Variants in MED26 observed in about 807,000 individuals in gnomAD.
The protein encoded by MED26 is mediator complex subunit 26.
In MED26, 7 loss-of-function variants were observed where a neutral mutation model predicts 43.7. The observed-to-expected ratio is 0.16, with a 90% CI of 0.09 to 0.30. The LOEUF is 0.30. Among genes scored for constraint, MED26 ranks in the 10% least tolerant of loss-of-function variants. MED26 has a pLI of 1.00. For synonymous variants in MED26, 375 were observed against 371.1 expected, an observed-to-expected ratio of 1.01 and a Z score of -0.12; for missense variants, 784 against 840.6, an observed-to-expected ratio of 0.93 and a Z score of 0.83.
intron 1 of MED26, among the ~76,000 whole-genome samples, chr19:16,603,652 C>T (rs1054173844): frequency 4.6e-5 from 7 of 152,242 alleles, no homozygotes; most frequent in East Asian, 1.9e-4. Context: ...CTGCCTATCT[C>T]GGTATGTGGG....
At chr19:16,579,431 A>G (rs1165008022) in intron 1 of MED26, among the ~76,000 whole-genome samples, 1 of 152,254 alleles carries the variant, frequency 6.6e-6, no homozygotes, top group East Asian at 1.9e-4. Context: ...TTCGGGGGAT[A>G]CAGCTGACTT....
At chr19:16,620,552 A>G (rs745992706) in intron 1 of MED26, among the ~76,000 whole-genome samples, 20 of 152,374 alleles carry the variant, frequency 1.3e-4, no homozygotes, top group South Asian at 6.2e-4. Context: ...ACACTAAGGG[A>G]GCAACACCTG....
chr19:16,582,461 T>C lies in MED26; in HGVS notation c.73-4052A>G, dbSNP rs148376851. Among the ~76,000 whole-genome samples the C allele has an allele frequency of 6.2e-4, 95 of 152,324 alleles. No individual in the cohort carries two copies. The East Asian group carries it at 0.01, about 17-fold the overall frequency. ...GTCCCAAAGAACACTTAGCACCCAATTGGTGCTGGTCCCATAGGAGCAAAA... is the reference window on the plus strand; with the variant it reads ...GTCCCAAAGAACACTTAGCACCCAACTGGTGCTGGTCCCATAGGAGCAAAA... On this transcript the variant is annotated intron_variant, in intron 1 of 2. Coordinates refer to ENST00000263390, the MANE Select transcript of MED26 (RefSeq NM_004831.5).
At chr19:16,615,618 C>T (rs1434526202) in intron 1 of MED26, among the ~76,000 whole-genome samples, 7 of 151,984 alleles carry the variant, frequency 4.6e-5, no homozygotes, top group Admixed American at 3.3e-4. Context: ...TGGTGGCAGG[C>T]GCCTGTAATC....
At chr19:16,609,797 T>TA (rs952211669) in intron 1 of MED26, among the ~76,000 whole-genome samples, 11 of 151,562 alleles carry the variant, frequency 7.3e-5, no homozygotes, top group East Asian at 1.9e-4. Flanking sequence ...CAATGTTTAC[T>TA]AAAAAAAATG....
chr19:16,578,087 C>A (rs1224326620), intron 2 of MED26: 2 of 550,408 alleles, frequency 3.6e-6, no homozygotes, highest in Non-Finnish European at 6.4e-6. Context: ...CCTCCAAGCA[C>A]ACCTCTCCTG....
At position 16,582,213 on chromosome 19, in the gene MED26, G is replaced by T. The variant is rs188719303; in HGVS notation, c.73-3804C>A. ...GATGTCAGCAGAGCTAAGGATGGGG[G>T]CAAGGTGAGACTGCCCTGCCCTGCG... On this transcript the variant is annotated intron_variant, in intron 1 of 2. Transcript: ENST00000263390. Among the ~76,000 whole-genome samples the T allele has an allele frequency of 3.5e-3, 533 of 152,342 alleles. 2 individuals carry two copies. Among genetic ancestry groups the T allele is most frequent in the South Asian group, 0.022 (106 of 4,824 alleles).
At chr19:16,578,051 G>T (rs2086021971) in intron 2 of MED26, 2 of 518,222 alleles carry the variant, frequency 3.9e-6, no homozygotes, top group Admixed American at 7.4e-5. Context: ...GTGGAGGGTT[G>T]GGGATGGTGC....
At chr19:16,583,474 C>T (rs545605421) in intron 1 of MED26, among the ~76,000 whole-genome samples, 2 of 147,692 alleles carry the variant, frequency 1.4e-5, no homozygotes, top group East Asian at 2.2e-4. Context: ...TTCATTGCTG[C>T]GGGAAGTGCC....
intron 1 of MED26, among the ~76,000 whole-genome samples, chr19:16,624,100 G>A (rs2086262943): frequency 6.6e-6 from 1 of 150,728 alleles, no homozygotes; most frequent in African/African-American, 2.4e-5. Context: ...AATGTACCTT[G>A]CAAAGATATA....
chr19:16,605,845 T>C (rs183996389), intron 1 of MED26, among the ~76,000 whole-genome samples: 210 of 152,306 alleles, frequency 1.4e-3, no homozygotes, highest in African/African-American at 5.0e-3. Flanking sequence ...AATGAACAGC[T>C]GAGGCTGCAT....
intron 1 of MED26, among the ~76,000 whole-genome samples, chr19:16,592,291 A>G (rs529257372): frequency 2.0e-5 from 3 of 152,230 alleles, no homozygotes; most frequent in African/African-American, 4.8e-5. Flanking sequence ...AGGGGACTGC[A>G]GAGTCCATAC....
intron 1 of MED26, among the ~76,000 whole-genome samples, chr19:16,624,006 A>C (rs1202701535): frequency 6.6e-6 from 1 of 152,136 alleles, no homozygotes; most frequent in Admixed American, 6.5e-5. Context: ...GTTGGGGAGA[A>C]GCAGAACTCT....
In MED26 at chr19:16,610,394, CT is replaced by C. The variant is rs745450468; in HGVS notation, c.72+17477del. The C allele has an allele frequency of 5.5e-3, 782 of 141,736 alleles. 4 individuals carry two copies. Among genetic ancestry groups the C allele is most frequent in the African/African-American group, 0.014 (534 of 38,886 alleles). 8.8% of individuals were successfully genotyped at this position (141,736 alleles called of 1,614,324 possible). On this transcript the variant is annotated intron_variant, in intron 1 of 2. Transcript: ENST00000263390. ...CTGTATTTTATTTTCCTTATAATTTCTTTTTTTTTTTTTTCAAGACTGAGTT... is the reference window on the plus strand; with the variant it reads ...CTGTATTTTATTTTCCTTATAATTTCTTTTTTTTTTTTTCAAGACTGAGTT...
chr19:16,597,014 T>C (rs2086123047), intron 1 of MED26, among the ~76,000 whole-genome samples: 1 of 152,186 alleles, frequency 6.6e-6, no homozygotes, highest in Non-Finnish European at 1.5e-5. Context: ...CACGCCCACA[T>C]GGTCAGAGGG....
At chr19:16,581,286 T>C (rs761145392) in intron 1 of MED26, among the ~76,000 whole-genome samples, 3 of 152,118 alleles carry the variant, frequency 2.0e-5, no homozygotes, top group Non-Finnish European at 2.9e-5. Flanking sequence ...ACGGGTGATA[T>C]GAGGGGAGAT....
Position 16,587,775 on chromosome 19 carries a change from A to C in MED26, c.73-9366T>G, listed in dbSNP as rs1423285714. ...AGTATGCAATTGCATGCTACAACTC[A>C]GCCCGGGGGACGGGAAATGCCACCT... is the stretch of plus-strand genomic sequence containing the variant. On this transcript the variant is annotated intron_variant, in intron 1 of 2. Coordinates refer to ENST00000263390, the MANE Select transcript of MED26 (RefSeq NM_004831.5). This position sits in a 1 kb window ranked among gnomAD's most constrained non-coding sequence, Gnocchi z 4.9. 1 of 152,304 alleles carries C rather than the reference A, an allele frequency of 6.6e-6. No homozygotes were observed. The highest frequency in any genetic ancestry group is 1.5e-5 in the Non-Finnish European group (1 of 68,100). The allele number at this position is 152,304 out of a possible 1,614,324, so 9.4% of individuals were successfully genotyped here.
rs954834464 is a variant in MED26, at chr19:16,577,937, A to G, written c.148-255T>C. On this transcript the variant is annotated intron_variant, in intron 2 of 2. Coordinates refer to ENST00000263390, the MANE Select transcript of MED26 (RefSeq NM_004831.5). The surrounding 1 kb of genome is among the most constrained non-coding windows in gnomAD (Gnocchi z 8.1). ...TGCTGTCACCCAGGCTCCTGGTGTC[A>G]GGGGGCTGTGGACCATCAAGGCCAC... 1 of 469,834 alleles carries G rather than the reference A, an allele frequency of 2.1e-6. No homozygotes were observed. 29.1% of individuals were successfully genotyped at this position (469,834 alleles called of 1,614,324 possible). A position where few individuals can be genotyped will look rare whatever the true frequency, so the allele number is the denominator to read the frequency against.
intron 1 of MED26, among the ~76,000 whole-genome samples, chr19:16,623,516 G>C (rs183064153): frequency 6.6e-6 from 1 of 152,340 alleles, no homozygotes; most frequent in East Asian, 1.9e-4. Context: ...TTCATGAAAA[G>C]TTCCACATCG....
Sources: allele counts gnomAD v4.1 joint callset (sites outside exome capture counted in the v4.1 genomes callset), GRCh38; gene constraint gnomAD v4.1.1; non-coding constraint Gnocchi (gnomAD v3.1); transcripts MANE v1.5; gene names NCBI Gene and HGNC (gene_info 2026-07-23, HGNC 2026-07-21).